SUPT20H: variants seen among roughly 807,000 people sequenced by gnomAD.
SUPT20H encodes the protein transcription factor SPT20 homolog.
In SUPT20H, 82 loss-of-function variants were observed where a neutral mutation model predicts 122.8. That is an observed-to-expected ratio of 0.67 (90% confidence interval 0.56 to 0.80). The LOEUF (loss-of-function observed/expected upper bound fraction) is 0.80. Ranked by LOEUF, SUPT20H falls within the 30% of genes least tolerant of loss-of-function variation. The pLI is 0.00. For missense variants in SUPT20H, 831 were observed against 921.6 expected (o/e 0.90, Z 1.27); for synonymous variants, 291 against 313.0 (o/e 0.93, Z 0.74).
At chr13:37,039,798 C>T (rs1361710880) in intron 9 of SUPT20H, 2 of 152,060 alleles carry the variant, frequency 1.3e-5, no homozygotes, top group African/African-American at 4.8e-5. Context: ...TCCCAGGACC[C>T]TCAGTTCTTC....
At chr13:37,033,837 A>C (rs1171412319) in intron 9 of SUPT20H, among the ~76,000 whole-genome samples, 1 of 152,220 alleles carries the variant, frequency 6.6e-6, no homozygotes, top group Admixed American at 6.5e-5. Context: ...CACTTTTTAC[A>C]TATTGAAGAT....
intron 17 of SUPT20H, 150 bp from the exon 18 acceptor site, chr13:37,024,592 TAC>T (rs1316531531): frequency 1.7e-5 from 8 of 478,378 alleles, no homozygotes; most frequent in East Asian, 3.5e-5. Context: ...TCTTAGTGGT[TAC>T]AGATTGAATA....
chr13:37,042,777 T>C (rs1194218142), intron 7 of SUPT20H, among the ~76,000 whole-genome samples: 1 of 152,128 alleles, frequency 6.6e-6, no homozygotes, highest in African/African-American at 2.4e-5. Flanking sequence ...TATAAATTCT[T>C]TGAGTAGCGT....
At chr13:37,055,841 T>C (rs557431486) in intron 1 of SUPT20H, among the ~76,000 whole-genome samples, 2 of 152,226 alleles carry the variant, frequency 1.3e-5, no homozygotes, top group East Asian at 1.9e-4. Context: ...ACCTACAGAA[T>C]GGGAGAAAAT....
At chr13:37,057,973 CAAAA>C (rs34624589) in intron 1 of SUPT20H, among the ~76,000 whole-genome samples, 1 of 98,060 alleles carries the variant, frequency 1.0e-5, no homozygotes, top group African/African-American at 4.3e-5. Context: ...GACTCCGTCT[CAAAA>C]AAAAAAAAAA....
chr13:37,031,257 G>A (rs372619491), intron 12 of SUPT20H, among the ~76,000 whole-genome samples: 10 of 151,848 alleles, frequency 6.6e-5, no homozygotes, highest in Admixed American at 5.2e-4. Flanking sequence ...GAGATTTCAC[G>A]TGATTATGTA....
rs746734876 is a variant in SUPT20H, at chr13:37,040,608, T to C, written c.481A>G (p.Ser161Gly). 1.2e-6 allele frequency: 2 copies of C among 1,614,144 alleles called. No individual in the cohort carries two copies. Among genetic ancestry groups the C allele is most frequent in the South Asian group, 2.2e-5 (2 of 91,080 alleles). ...GTTGGACGTAAGAGAATGTGCCGAC[T>C]TTGGTAACCAGGAGATTTCATGTTA... ...SSNMKSPGYQ[S>G]RHILLRPTMQ... The change falls in exon 8 of 26, where the codon AGT becomes GGT. Residue 161 changes from serine to glycine, a missense_variant. By Grantham distance (56) the Ser-to-Gly change is moderately conservative. Transcript: ENST00000350612.
chr13:37,056,288 A>T lies in SUPT20H; in HGVS notation c.-94+3271T>A, dbSNP rs376913035. 1.4e-3 allele frequency among the ~76,000 whole-genome samples: 208 copies of T among 152,292 alleles called. No individual in the cohort carries two copies. In the East Asian group the frequency reaches 0.037, roughly 27 times the overall value. ...GGGTATATACCCAAAGGATTATAAAACATGTTGCTATAAAGACACATGCAC... is the reference window on the plus strand; with the variant it reads ...GGGTATATACCCAAAGGATTATAAATCATGTTGCTATAAAGACACATGCAC... On this transcript the variant is annotated intron_variant, in intron 1 of 25. Coordinates refer to ENST00000350612, the MANE Select transcript of SUPT20H (RefSeq NM_001014286.3).
At chr13:37,040,295 A>T (rs919039289) in intron 9 of SUPT20H, 110 bp downstream of exon 9, 1 of 986,626 alleles carries the variant, frequency 1.0e-6, no homozygotes, top group African/African-American at 1.7e-5. Flanking sequence ...CACATAAAGC[A>T]TCAAACTTAA....
chr13:37,023,013 CTT>C (rs1304074500), intron 19 of SUPT20H: 3 of 1,280,064 alleles, frequency 2.3e-6, no homozygotes, highest in African/African-American at 1.5e-5. Context: ...ACCAAAAGCT[CTT>C]GAGGTGTTTT....
At chr13:37,044,934 C>T (rs948423857) in intron 6 of SUPT20H, among the ~76,000 whole-genome samples, 1 of 151,868 alleles carries the variant, frequency 6.6e-6, no homozygotes, top group African/African-American at 2.4e-5. Flanking sequence ...TAAGTTATGC[C>T]TCTATAATTT....
intron 5 of SUPT20H, among the ~76,000 whole-genome samples, chr13:37,046,353 T>C (rs1330593303): frequency 6.6e-6 from 1 of 152,180 alleles, no homozygotes; most frequent in Non-Finnish European, 1.5e-5. Context: ...TTTTACAGTA[T>C]GTGTACCTCT....
Position 37,051,545 on chromosome 13 carries a change from T to C in SUPT20H, c.-55A>G. 1 of 1,570,390 alleles carries C rather than the reference T, an allele frequency of 6.4e-7. No individual in the cohort carries two copies. Among genetic ancestry groups the C allele is most frequent in the Non-Finnish European group, 8.7e-7 (1 of 1,144,392 alleles). ...AGATAACTTATGTACGCTGATGAAG[T>C]GGGGTGAACACCATGCCTTTAACAT... On this transcript the variant is annotated 5_prime_UTR_variant, in exon 2 of 26. Coordinates refer to ENST00000350612, the MANE Select transcript of SUPT20H (RefSeq NM_001014286.3).
intron 9 of SUPT20H, chr13:37,037,888 T>C (rs955453100): frequency 6.6e-6 from 1 of 152,202 alleles, no homozygotes; most frequent in Admixed American, 6.5e-5. Context: ...TAAATAAGAA[T>C]TTGTTAGAAT....
chr13:37,010,830 G>GGTACA, intron 24 of SUPT20H, 175 bp from the exon 25 acceptor site: 1 of 513,126 alleles, frequency 1.9e-6, no homozygotes, highest in South Asian at 2.9e-5. Flanking sequence ...GTTAGTTGGG[G>GGTACA]GTACCACTGA....
At chr13:37,025,574 A>G (rs1179340134) in intron 16 of SUPT20H, 137 bp from the exon 17 acceptor site, 2 of 605,232 alleles carry the variant, frequency 3.3e-6, no homozygotes, top group African/African-American at 3.8e-5. Flanking sequence ...AAAATTAGGC[A>G]ATTTATCTTT....
At chr13:37,011,650 G>A (rs758665001) in intron 24 of SUPT20H, among the ~76,000 whole-genome samples, 2 of 149,386 alleles carry the variant, frequency 1.3e-5, no homozygotes, top group South Asian at 2.1e-4. Context: ...TAGAATTATC[G>A]TCTTCAACTG....
At chr13:37,023,075 T>G (rs746898936) in intron 19 of SUPT20H, 205 of 1,278,902 alleles carry the variant, frequency 1.6e-4, no homozygotes, top group South Asian at 3.0e-4. Context: ...AATGTGAATG[T>G]CCAGAAGCTG....
At chr13:37,033,717 G>T in intron 9 of SUPT20H, 129 bp from the exon 10 acceptor site, 1 of 1,010,628 alleles carries the variant, frequency 9.9e-7, no homozygotes, top group Non-Finnish European at 1.3e-6. Flanking sequence ...GGTATTTCAA[G>T]TTCCAATGTT....
Sources: allele counts gnomAD v4.1 joint callset (sites outside exome capture counted in the v4.1 genomes callset), GRCh38; gene constraint gnomAD v4.1.1; transcripts MANE v1.5; gene names NCBI Gene and HGNC (gene_info 2026-07-23, HGNC 2026-07-21).